Variants in DEFB1 observed in about 807,000 individuals in gnomAD.
DEFB1 encodes the protein defensin beta 1, also known as beta-defensin 1.
Under a neutral mutation model 2.6 loss-of-function variants are expected in DEFB1, and 4 were observed. That is an observed-to-expected ratio of 1.53 (90% CI 0.76 to 3.51). The LOEUF is 3.51. Among genes scored for constraint, DEFB1 ranks in the 30% most tolerant of loss-of-function variants. The probability of loss-of-function intolerance (pLI) is 0.01; values close to 1 mark genes in which losing one functional copy is unlikely to be tolerated. For missense variants in DEFB1, 162 were observed against 76.9 expected (o/e 2.11, Z -4.14); for synonymous variants, 56 against 28.5 (o/e 1.96, Z -3.07).
Position 6,870,633 on chromosome 8 carries a change from T to C in DEFB1, c.*48A>G, listed in dbSNP as rs750892975. 8.8e-6 allele frequency: 14 copies of C among 1,586,036 alleles called. No homozygotes were observed. The highest frequency in any genetic ancestry group is 1.7e-6 in the Non-Finnish European group (2 of 1,169,004). ...TTTTCCTTTATTAAAAGAATGCTTA[T>C]AAAAAGTTCATTTCACTTCTGCGTC... On this transcript the variant is annotated 3_prime_UTR_variant, in exon 2 of 2. Coordinates refer to ENST00000297439, the MANE Select transcript of DEFB1 (RefSeq NM_005218.4).
intron 1 of DEFB1, among the ~76,000 whole-genome samples, chr8:6,874,702 C>A (rs1399939688): frequency 4.6e-5 from 7 of 152,138 alleles, no homozygotes; most frequent in African/African-American, 1.7e-4. Context: ...TGGTTCTGGG[C>A]TGGGCATGGT....
intron 1 of DEFB1, among the ~76,000 whole-genome samples, chr8:6,872,477 C>T (rs966658839): frequency 1.3e-5 from 2 of 152,070 alleles, no homozygotes; most frequent in Admixed American, 6.5e-5. Context: ...TGTATTGATA[C>T]CAGGCTTCAA....
At chr8:6,871,220 C>A (rs576343279) in intron 1 of DEFB1, among the ~76,000 whole-genome samples, 1 of 152,360 alleles carries the variant, frequency 6.6e-6, no homozygotes, top group South Asian at 2.1e-4. Flanking sequence ...ACAGCCTACA[C>A]TTCCCTCCTT....
intron 1 of DEFB1, among the ~76,000 whole-genome samples, chr8:6,874,612 G>A (rs985759267): frequency 1.5e-4 from 23 of 152,212 alleles, no homozygotes; most frequent in African/African-American, 5.5e-4. Context: ...TGTAGAAAGA[G>A]GCTCATGCAT....
intron 1 of DEFB1, among the ~76,000 whole-genome samples, chr8:6,873,949 C>T (rs1806421841): frequency 6.6e-6 from 1 of 152,224 alleles, no homozygotes; most frequent in Non-Finnish European, 1.5e-5. Flanking sequence ...TTGCCTTTAA[C>T]ATTTTCATGA....
chr8:6,877,791 G>A lies in DEFB1; in HGVS notation c.61+6C>T, dbSNP rs373063416. On this transcript the variant is annotated splice_donor_region_variant and intron_variant, in intron 1 of 1. Coordinates refer to ENST00000297439, the MANE Select transcript of DEFB1 (RefSeq NM_005218.4). ...ATGGGAAACTCTTGCAGGTACCAGA[G>A]CTTACCTGAGGCCATCTCAGACAAA... 99 of 1,613,046 alleles carry A rather than the reference G, an allele frequency of 6.1e-5. No individual in the cohort carries two copies. The East Asian group carries it at 9.4e-4, about 15-fold the overall frequency.
intron 1 of DEFB1, among the ~76,000 whole-genome samples, chr8:6,876,288 A>C (rs193169286): frequency 1.3e-5 from 2 of 152,156 alleles, no homozygotes; most frequent in Non-Finnish European, 2.9e-5. Context: ...CAGCATGACC[A>C]GCATGGTGAA....
intron 1 of DEFB1, among the ~76,000 whole-genome samples, chr8:6,876,488 A>G (rs750206578): frequency 1.3e-5 from 2 of 151,890 alleles, no homozygotes; most frequent in African/African-American, 2.4e-5. Context: ...AAAAAACAAA[A>G]CAAAACAAAA....
At chr8:6,877,725 A>C in intron 1 of DEFB1, 72 bp downstream of exon 1, 1 of 1,381,820 alleles carries the variant, frequency 7.2e-7, no homozygotes, top group Non-Finnish European at 1.0e-6. Context: ...GGAGGCAGCC[A>C]TCCGAGACTC....
intron 1 of DEFB1, among the ~76,000 whole-genome samples, chr8:6,872,967 A>C (rs1169166601): frequency 6.6e-6 from 1 of 152,202 alleles, no homozygotes; most frequent in Non-Finnish European, 1.5e-5. Context: ...CTGTTATTAG[A>C]GAGATCAACT....
At chr8:6,877,216 T>G (rs531580974) in intron 1 of DEFB1, among the ~76,000 whole-genome samples, 1 of 152,332 alleles carries the variant, frequency 6.6e-6, no homozygotes, top group African/African-American at 2.4e-5. Context: ...CCAGAGAAGC[T>G]GACATACACC....
chr8:6,871,568 A>T (rs796301155), intron 1 of DEFB1, among the ~76,000 whole-genome samples: 19 of 152,286 alleles, frequency 1.2e-4, no homozygotes, highest in African/African-American at 4.6e-4. Flanking sequence ...TAGGAAAAGA[A>T]TTCCTGTGTC....
chr8:6,875,082 AC>A (rs1687557343), intron 1 of DEFB1, among the ~76,000 whole-genome samples: 4 of 151,056 alleles, frequency 2.6e-5, no homozygotes, highest in African/African-American at 9.8e-5. Flanking sequence ...ACACACACAC[AC>A]ACACACACAC....
chr8:6,877,466 G>A (rs1038207102), intron 1 of DEFB1, among the ~76,000 whole-genome samples: 1 of 152,222 alleles, frequency 6.6e-6, no homozygotes, highest in Non-Finnish European at 1.5e-5. Context: ...ATAGGAAGCT[G>A]GCCTCTCAGT....
intron 1 of DEFB1, among the ~76,000 whole-genome samples, chr8:6,872,438 A>G (rs1352813428): frequency 6.6e-6 from 1 of 152,154 alleles, no homozygotes; most frequent in African/African-American, 2.4e-5. Context: ...AGAACGTTTT[A>G]TTCAACTTCA....
Position 6,870,765 on chromosome 8 carries a change from T to G in DEFB1, c.123A>C (p.Gly41=). 1 of 1,614,212 alleles carries G rather than the reference T, an allele frequency of 6.2e-7. No homozygotes were observed. The highest frequency in any genetic ancestry group is 8.5e-7 in the Non-Finnish European group (1 of 1,180,044). ...RSDHYNCVSS[G]GQCLYSACPI... ...GGCAGGCAGAATAGAGACATTGCCC[T>G]CCACTGCTGACGCAATTGTAATGAT... Residue 41 remains glycine, a synonymous_variant, in exon 2 of 2, where the codon GGA becomes GGC. Transcript: ENST00000297439.
chr8:6,871,834 C>G (rs962271333), intron 1 of DEFB1, among the ~76,000 whole-genome samples: 5 of 152,168 alleles, frequency 3.3e-5, no homozygotes, highest in African/African-American at 4.8e-5. Flanking sequence ...CTTCCTGCCT[C>G]CAGGACTGCG....
chr8:6,871,956 C>A (rs574110043), intron 1 of DEFB1, among the ~76,000 whole-genome samples: 2 of 152,316 alleles, frequency 1.3e-5, no homozygotes, highest in African/African-American at 4.8e-5. Context: ...CCCTAGGAGA[C>A]AGTACATTCT....
At chr8:6,877,536 G>A (rs1402220176) in intron 1 of DEFB1, among the ~76,000 whole-genome samples, 5 of 152,210 alleles carry the variant, frequency 3.3e-5, no homozygotes, top group African/African-American at 1.2e-4. Context: ...CTGTCTACAT[G>A]TCCAGGACAA....
Sources: allele counts gnomAD v4.1 joint callset (sites outside exome capture counted in the v4.1 genomes callset), GRCh38; gene constraint gnomAD v4.1.1; transcripts MANE v1.5; gene names NCBI Gene and HGNC (gene_info 2026-07-23, HGNC 2026-07-21).